The following IL20 variants were observed in gnomAD, a reference collection of about 807,000 sequenced individuals.
IL20 encodes interleukin-20.
Under a neutral mutation model 19.2 loss-of-function variants are expected in IL20, and 22 were observed. The observed-to-expected ratio is 1.15, with a 90% confidence interval of 0.82 to 1.64. The LOEUF (loss-of-function observed/expected upper bound fraction) is 1.64. Among genes scored for constraint, IL20 ranks in the 40% most tolerant of loss-of-function variants. The pLI is 0.00. For synonymous variants in IL20, 70 were observed against 76.2 expected (o/e 0.92, Z 0.43); for missense variants, 215 against 212.8 (o/e 1.01, Z -0.06).
chr1:206,867,410 G>C lies in IL20; in HGVS notation c.405G>C (p.Gly135=). ...LCHAHMTCHC[G]EEAMKKYSQI... is the part of the protein sequence containing the mutation. Reference sequence around the variant, plus strand: ...ATGCCCACATGACATGCCATTGTGGGGAGGAAGCAATGAAGAAATACAGCC... The same window carrying C: ...ATGCCCACATGACATGCCATTGTGGCGAGGAAGCAATGAAGAAATACAGCC... Residue 135 remains glycine (G), a synonymous_variant, in exon 5 of 6, where the codon GGG becomes GGC. Transcript: ENST00000367098. The C allele has an allele frequency of 6.2e-7, 1 of 1,613,822 alleles. No individual in the cohort carries two copies. The highest frequency in any genetic ancestry group is 8.5e-7 in the Non-Finnish European group (1 of 1,179,788).
upstream of IL20, among the ~76,000 whole-genome samples, chr1:206,865,068 T>C (rs2102504094): frequency 6.6e-6 from 1 of 152,322 alleles, no homozygotes; most frequent in Middle Eastern, 3.4e-3. This position sits in a 1 kb window ranked among gnomAD's most constrained non-coding sequence, Gnocchi z 4.1. Flanking sequence ...AAGCGTGTAC[T>C]CTCGAATCCA....
upstream of IL20, chr1:206,865,220 T>C (rs1373946537): frequency 6.6e-6 from 1 of 152,320 alleles, no homozygotes; most frequent in Non-Finnish European, 1.5e-5. This position sits in a 1 kb window ranked among gnomAD's most constrained non-coding sequence, Gnocchi z 4.1. Context: ...TGACTTTCTA[T>C]TTGCCTCTGG....
intron 3 of IL20, 29 bp downstream of exon 3, chr1:206,866,393 G>A (rs1215771327): frequency 1.2e-6 from 2 of 1,613,464 alleles, no homozygotes; most frequent in Non-Finnish European, 8.5e-7. Flanking sequence ...CAAACTCTGG[G>A]AGGAGGAGTG....
At chr1:206,867,739 A>G (rs891830984) in intron 5 of IL20, among the ~76,000 whole-genome samples, 5 of 152,190 alleles carry the variant, frequency 3.3e-5, no homozygotes, top group South Asian at 2.1e-4. Context: ...ACCAGAGGCA[A>G]TAGTTTTACA....
Position 206,868,652 on chromosome 1 carries a change from A to G in IL20, c.*88A>G, listed in dbSNP as rs531293001. On this transcript the variant is annotated 3_prime_UTR_variant, in exon 6 of 6. Transcript: ENST00000367098. ...AGAGGAGGCATGACCCCAAACCACC[A>G]TCTCTTTACTGTACTAGTCTTGTGC... 6 of 846,466 alleles carry G rather than the reference A, an allele frequency of 7.1e-6. No individual in the cohort carries two copies. The highest frequency in any genetic ancestry group is 2.9e-5 in the East Asian group (1 of 34,412). The allele number at this position is 846,466 out of a possible 1,614,324, so 52.4% of individuals were successfully genotyped here. A position where few individuals can be genotyped will look rare whatever the true frequency, so the allele number is the denominator to read the frequency against.
rs540125973 is a variant in IL20, at chr1:206,868,783, T to G, written c.*219T>G. The G allele has an allele frequency of 3.1e-6, 1 of 320,314 alleles. No individual in the cohort carries two copies. Among genetic ancestry groups the G allele is most frequent in the Admixed American group, 4.9e-5 (1 of 20,590 alleles). The allele number at this position is 320,314 out of a possible 1,614,324, so 19.8% of individuals were successfully genotyped here. On this transcript the variant is annotated 3_prime_UTR_variant, in exon 6 of 6. Transcript: ENST00000367098. The stretch of plus-strand genomic sequence containing the variant: ...ATACTTGTATAAGATTTTTGTAATA[T>G]CTTTCTGCTATTGGATATATTTATT...
Position 206,866,599 on chromosome 1 carries a change from A to G in IL20, c.341A>G (p.Asn114Ser), listed in dbSNP as rs1026311013. Residue 114 changes from asparagine (N) to serine (S), a missense_variant, in exon 4 of 6, where the codon AAT becomes AGT. Coordinates refer to ENST00000367098, the MANE Select transcript of IL20 (RefSeq NM_018724.4). ...YTLRKISSLANSFLTIKKDLR... is the reference protein window; with the variant it reads ...YTLRKISSLASSFLTIKKDLR... ...CTCCGGAAGATCAGCAGCCTCGCCAATTCCTTTCTTACCATCAAGAAGGAC... is the reference window on the plus strand; with the variant it reads ...CTCCGGAAGATCAGCAGCCTCGCCAGTTCCTTTCTTACCATCAAGAAGGAC... The G allele has an allele frequency of 1.9e-6, 3 of 1,614,156 alleles. No homozygotes were observed. Among genetic ancestry groups the G allele is most frequent in the Non-Finnish European group, 2.5e-6 (3 of 1,180,010 alleles).
At chr1:206,866,213 C>A in intron 2 of IL20, 86 bp from the exon 3 acceptor site, 1 of 1,341,912 alleles carries the variant, frequency 7.5e-7, no homozygotes, top group Non-Finnish European at 1.1e-6. Context: ...TAGTTCTTGG[C>A]AGGGAGTGGA....
Position 206,868,770 on chromosome 1 carries a change from G to T in IL20, c.*206G>T, listed in dbSNP as rs1677634253. On this transcript the variant is annotated 3_prime_UTR_variant, in exon 6 of 6. Transcript: ENST00000367098. ...CTTAATTGAGACCATACTTGTATAAGATTTTTGTAATATCTTTCTGCTATT... is the reference window on the plus strand; with the variant it reads ...CTTAATTGAGACCATACTTGTATAATATTTTTGTAATATCTTTCTGCTATT... 1 of 340,804 alleles carries T rather than the reference G, an allele frequency of 2.9e-6. No homozygotes were observed. Among genetic ancestry groups the T allele is most frequent in the African/African-American group, 2.1e-5 (1 of 47,064 alleles). 21.1% of individuals were successfully genotyped at this position (340,804 alleles called of 1,614,324 possible). A position where few individuals can be genotyped will look rare whatever the true frequency, so the allele number is the denominator to read the frequency against.
chr1:206,865,604 C>T (rs1677522045), upstream of IL20: 2 of 1,297,052 alleles, frequency 1.5e-6, no homozygotes, highest in Admixed American at 3.2e-5. This position sits in a 1 kb window ranked among gnomAD's most constrained non-coding sequence, Gnocchi z 4.1. Flanking sequence ...AAAGGAGCCA[C>T]GACCTGTGCC....
At chr1:206,868,148 C>T (rs1238702859) in intron 5 of IL20, among the ~76,000 whole-genome samples, 1 of 151,680 alleles carries the variant, frequency 6.6e-6, no homozygotes, top group Non-Finnish European at 1.5e-5. Context: ...TAGGCAACCC[C>T]TACACACACA....
rs1376050508 is a variant in IL20, at chr1:206,867,398, A to C, written c.393A>C (p.Thr131=). 1 of 1,613,612 alleles carries C rather than the reference A, an allele frequency of 6.2e-7. No homozygotes were observed. Among genetic ancestry groups the C allele is most frequent in the African/African-American group, 1.3e-5 (1 of 74,996 alleles). The change falls in exon 5 of 6, where the codon ACA becomes ACC. Residue 131 remains threonine (T), a synonymous_variant. Coordinates refer to ENST00000367098, the MANE Select transcript of IL20 (RefSeq NM_018724.4). ...KDLRLCHAHM[T]CHCGEEAMKK... ...GTCCTTTTCAGCATGCCCACATGACATGCCATTGTGGGGAGGAAGCAATGA... is the reference window on the plus strand; with the variant it reads ...GTCCTTTTCAGCATGCCCACATGACCTGCCATTGTGGGGAGGAAGCAATGA...
upstream of IL20, chr1:206,865,464 GC>G: frequency 2.0e-6 from 2 of 1,010,126 alleles, no homozygotes; most frequent in Non-Finnish European, 2.4e-6. This position sits in a 1 kb window ranked among gnomAD's most constrained non-coding sequence, Gnocchi z 4.1. Flanking sequence ...GAGGCTATAT[GC>G]GTCAATTCCC....
chr1:206,868,581 C>T lies in IL20; in HGVS notation c.*17C>T, dbSNP rs1225434749. 2 of 1,580,100 alleles carry T rather than the reference C, an allele frequency of 1.3e-6. No individual in the cohort carries two copies. Among genetic ancestry groups the T allele is most frequent in the Non-Finnish European group, 1.7e-6 (2 of 1,161,532 alleles). ...ACAGAATAGGAGGAAAGTGATGCTG[C>T]TGCTAAGAATATTCGAGGTCAAGAG... On this transcript the variant is annotated 3_prime_UTR_variant, in exon 6 of 6. Transcript: ENST00000367098.
chr1:206,867,852 A>G (rs182886874), intron 5 of IL20, among the ~76,000 whole-genome samples: 257 of 152,182 alleles, frequency 1.7e-3, no homozygotes, highest in Non-Finnish European at 2.5e-3. Context: ...TCTGCCAGGA[A>G]GGCCTGGATT....
rs778661542 is a variant in IL20 at position 206,869,087 on chromosome 1, A to T, written c.*523A>T. On this transcript the variant is annotated 3_prime_UTR_variant, in exon 6 of 6. Coordinates refer to ENST00000367098, the MANE Select transcript of IL20 (RefSeq NM_018724.4). ...AGGATGGGTTGTGGAATAAGTTTTG[A>T]TGTGGAATTGCACATCTACCTTACA... The T allele has an allele frequency of 2.6e-5, 4 of 152,398 alleles. No homozygotes were observed. Among genetic ancestry groups the T allele is most frequent in the East Asian group, 1.9e-4 (1 of 5,324 alleles). 9.4% of individuals were successfully genotyped at this position (152,398 alleles called of 1,614,324 possible).
Position 206,865,746 on chromosome 1 carries a change from AC to A in IL20, c.-31+66del, listed in dbSNP as rs1677525619. 5.4e-6 allele frequency: 8 copies of A among 1,469,864 alleles called. No individual in the cohort carries two copies. The highest frequency in any genetic ancestry group is 2.3e-5 in the East Asian group (1 of 42,610). The allele number at this position is 1,469,864 out of a possible 1,614,324, so 91.1% of individuals were successfully genotyped here. On this transcript the variant is annotated intron_variant, in intron 1 of 5. Coordinates refer to ENST00000367098, the MANE Select transcript of IL20 (RefSeq NM_018724.4). The surrounding 1 kb of genome is among the most constrained non-coding windows in gnomAD (Gnocchi z 4.1). The stretch of plus-strand genomic sequence containing the variant: ...CAGATAAGGCTGTTCTCTTCCCCTG[AC>A]CCCCCACCCCTCACCCCGTGGACAC...
chr1:206,864,092 C>T (rs887848811), upstream of IL20, among the ~76,000 whole-genome samples: 4 of 152,072 alleles, frequency 2.6e-5, no homozygotes, highest in African/African-American at 4.8e-5. Context: ...CTGAAATTTT[C>T]GTATTTCAGG....
rs757554164 is a variant in IL20 at position 206,866,657 on chromosome 1, A to G, written c.378+21A>G. ...TCTGTGTGAGTGTGGGTCTTGGGTG[A>G]CAGGATGCATCTCAGCACACAGCTT... On this transcript the variant is annotated intron_variant, in intron 4 of 5. Transcript: ENST00000367098. The G allele has an allele frequency of 1.9e-5, 31 of 1,611,556 alleles. 2 individuals carry two copies. In the South Asian group the frequency reaches 3.2e-4, roughly 17 times the overall value.
Sources: allele counts gnomAD v4.1 joint callset (sites outside exome capture counted in the v4.1 genomes callset), GRCh38; gene constraint gnomAD v4.1.1; non-coding constraint Gnocchi (gnomAD v3.1); transcripts MANE v1.5; gene names NCBI Gene and HGNC (gene_info 2026-07-23, HGNC 2026-07-21).